Variants in KIF5C observed in about 807,000 individuals in gnomAD.
KIF5C encodes the protein kinesin family member 5C.
Under a neutral mutation model 125.2 loss-of-function variants are expected in KIF5C, and 18 were observed. The ratio of observed to expected loss-of-function variants is 0.14; its 90% CI spans 0.10 to 0.21. The LOEUF is 0.21. Among genes scored for constraint, KIF5C ranks in the 10% least tolerant of loss-of-function variants. The pLI is 1.00. For synonymous variants in KIF5C, 405 were observed against 434.0 expected (o/e 0.93, Z 0.83); for missense variants, 780 against 1,183.8 (o/e 0.66, Z 5.01).
chr2:148,983,863 T>A (rs1233118046), intron 15 of KIF5C, 97 bp downstream of exon 15: 3 of 1,329,192 alleles, frequency 2.3e-6, no homozygotes, highest in Non-Finnish European at 2.9e-6. Flanking sequence ...AGCACTGTGC[T>A]TTGCATCTGC....
chr2:148,921,652 C>T (rs1681789857), intron 1 of KIF5C, among the ~76,000 whole-genome samples: 1 of 152,180 alleles, frequency 6.6e-6, no homozygotes, highest in Non-Finnish European at 1.5e-5. Context: ...CCTTCTTCAC[C>T]AGGCTTTCCT....
intron 1 of KIF5C, among the ~76,000 whole-genome samples, chr2:148,918,305 G>C (rs546117386): frequency 1.3e-5 from 2 of 152,308 alleles, no homozygotes; most frequent in South Asian, 4.1e-4. Flanking sequence ...GTCTCATCCA[G>C]ATTCCCTTCA....
At chr2:148,952,671 C>A (rs1006721134) in intron 10 of KIF5C, among the ~76,000 whole-genome samples, 2 of 152,074 alleles carry the variant, frequency 1.3e-5, no homozygotes, top group African/African-American at 4.8e-5. Flanking sequence ...CTCTTGTTTA[C>A]CTCTCCCCTC....
chr2:148,967,390 C>G (rs991718115), intron 11 of KIF5C, among the ~76,000 whole-genome samples: 5 of 152,174 alleles, frequency 3.3e-5, no homozygotes, highest in Non-Finnish European at 5.9e-5. Flanking sequence ...ACAGGCAGGT[C>G]TCTTAAGTGG....
At chr2:148,906,151 G>A (rs1165015174) in intron 1 of KIF5C, among the ~76,000 whole-genome samples, 1 of 152,160 alleles carries the variant, frequency 6.6e-6, no homozygotes, top group Admixed American at 6.5e-5. Flanking sequence ...AAAAAGGGGA[G>A]GCAGAGGAAA....
intron 11 of KIF5C, among the ~76,000 whole-genome samples, chr2:148,965,776 C>A (rs1683035897): frequency 6.6e-6 from 1 of 152,170 alleles, no homozygotes. Context: ...GCGATCTGAA[C>A]TGAGTGGGCC....
At chr2:148,929,464 G>T (rs190100607) in intron 3 of KIF5C, 110 bp downstream of exon 3, 86 of 651,114 alleles carry the variant, frequency 1.3e-4, no homozygotes, top group Middle Eastern at 7.4e-4. Context: ...AATAGAGACG[G>T]TTATGTTTGG....
intron 14 of KIF5C, among the ~76,000 whole-genome samples, chr2:148,983,121 G>A (rs530920113): frequency 2.6e-5 from 4 of 151,832 alleles, no homozygotes; most frequent in Admixed American, 2.6e-4. Context: ...TTTTTTTGAA[G>A]TTGTTTTCTA....
intron 11 of KIF5C, among the ~76,000 whole-genome samples, chr2:148,967,190 C>T (rs1041494722): frequency 6.6e-6 from 1 of 152,240 alleles, no homozygotes; most frequent in Non-Finnish European, 1.5e-5. Context: ...GAGCCACCCA[C>T]TGGCCTGGTT....
intron 10 of KIF5C, among the ~76,000 whole-genome samples, chr2:148,956,706 C>A (rs1320191091): frequency 6.6e-6 from 1 of 152,172 alleles, no homozygotes; most frequent in East Asian, 1.9e-4. Flanking sequence ...AAACTTAGGA[C>A]TGAATTAAAG....
At chr2:148,913,118 A>G (rs559236211) in intron 1 of KIF5C, among the ~76,000 whole-genome samples, 1 of 152,364 alleles carries the variant, frequency 6.6e-6, no homozygotes, top group African/African-American at 2.4e-5. Context: ...TATTTTATCC[A>G]TAATATGTAG....
intron 1 of KIF5C, among the ~76,000 whole-genome samples, chr2:148,917,393 GGAA>G (rs1395657959): frequency 6.6e-6 from 1 of 152,182 alleles, no homozygotes; most frequent in Non-Finnish European, 1.5e-5. Context: ...ACTCCGTAAA[GGAA>G]GAACCCTTGA....
Position 149,008,022 on chromosome 2 carries a change from C to T in KIF5C, c.2505C>T (p.Ser835=). 6.2e-7 allele frequency: 1 copy of T among 1,612,198 alleles called. No individual in the cohort carries two copies. Residue 835 remains serine, a synonymous_variant, in exon 23 of 26, where the codon TCC becomes TCT. Transcript: ENST00000435030. ...GTGCTGCCCAGAAGCAGAAAATTTC[C>T]TTCTTGGAGAATAACCTGGAGCAGC... ...GGSAAQKQKI[S]FLENNLEQLT... is the part of the protein sequence containing the mutation.
chr2:148,881,647 C>T (rs1681357687), intron 1 of KIF5C, among the ~76,000 whole-genome samples: 2 of 152,114 alleles, frequency 1.3e-5, no homozygotes, highest in Non-Finnish European at 2.9e-5. Flanking sequence ...TGATGTTTTC[C>T]ATTCTCAGCT....
chr2:149,005,542 ACTTG>A, intron 22 of KIF5C, 78 bp downstream of exon 22: 1 of 1,568,772 alleles, frequency 6.4e-7, no homozygotes, highest in South Asian at 1.2e-5. Context: ...TTGAAATATC[ACTTG>A]CTTAAGTCGG....
intron 2 of KIF5C, among the ~76,000 whole-genome samples, chr2:148,922,543 G>T (rs546467769): frequency 4.6e-5 from 7 of 152,188 alleles, no homozygotes; most frequent in Non-Finnish European, 1.0e-4. Context: ...ACTGGCTGCA[G>T]GTATGGAACC....
chr2:149,001,778 G>C (rs1681858876), intron 21 of KIF5C, among the ~76,000 whole-genome samples: 2 of 152,222 alleles, frequency 1.3e-5, no homozygotes, highest in African/African-American at 4.8e-5. Flanking sequence ...TTCAATGACA[G>C]AGAGAAACCG....
At chr2:148,948,597 G>C (rs1368776118) in intron 8 of KIF5C, among the ~76,000 whole-genome samples, 1 of 152,144 alleles carries the variant, frequency 6.6e-6, no homozygotes, top group African/African-American at 2.4e-5. Flanking sequence ...ACACACACCT[G>C]TTTTCCTTTG....
At chr2:149,020,640 C>T (rs1682506148) in intron 25 of KIF5C, among the ~76,000 whole-genome samples, 1 of 152,174 alleles carries the variant, frequency 6.6e-6, no homozygotes, top group South Asian at 2.1e-4. Flanking sequence ...AAGGTATGTG[C>T]TGGCACCTCT....
Sources: allele counts gnomAD v4.1 joint callset (sites outside exome capture counted in the v4.1 genomes callset), GRCh38; gene constraint gnomAD v4.1.1; transcripts MANE v1.5; gene names NCBI Gene and HGNC (gene_info 2026-07-23, HGNC 2026-07-21).